DNAH17: variants seen among roughly 807,000 people sequenced by gnomAD.
DNAH17 encodes the protein dynein axonemal heavy chain 17.
A neutral mutation model predicts 485.6 loss-of-function variants in DNAH17; 376 were observed. The ratio of observed to expected loss-of-function variants is 0.77; its 90% CI spans 0.71 to 0.84. The LOEUF is 0.84. Ranked by LOEUF, DNAH17 falls within the 40% of genes least tolerant of loss-of-function variation. The pLI is 0.00. For missense variants in DNAH17, 6,370 were observed against 5,839.3 expected, an observed-to-expected ratio of 1.09 and a Z score of -2.96; for synonymous variants, 3,031 against 2,405.9, an observed-to-expected ratio of 1.26 and a Z score of -7.60.
At chr17:78,551,759 C>A in intron 15 of DNAH17, 121 bp from the exon 16 acceptor site, 1 of 849,336 alleles carries the variant, frequency 1.2e-6, no homozygotes, top group Non-Finnish European at 1.9e-6. Flanking sequence ...GTCGGGAGTT[C>A]GAGACCAGCC....
chr17:78,480,422 A>G (rs962310267), intron 49 of DNAH17, among the ~76,000 whole-genome samples: 2 of 152,142 alleles, frequency 1.3e-5, no homozygotes, highest in East Asian at 3.8e-4. Context: ...GACTAAAAAC[A>G]TATTTATTTA....
At chr17:78,542,885 G>A (rs868595018) in intron 17 of DNAH17, among the ~76,000 whole-genome samples, 3 of 152,198 alleles carry the variant, frequency 2.0e-5, no homozygotes, top group Non-Finnish European at 4.4e-5. Flanking sequence ...GAAATCCACG[G>A]GGGATACCGA....
At chr17:78,531,554 G>A (rs1049799442) in intron 20 of DNAH17, among the ~76,000 whole-genome samples, 3 of 152,018 alleles carry the variant, frequency 2.0e-5, no homozygotes, top group Non-Finnish European at 1.5e-5. Flanking sequence ...TAGCCAGGAT[G>A]GTCTCGATCT....
At position 78,485,017 on chromosome 17, in the gene DNAH17, C is replaced by A. The variant is rs752433570; in HGVS notation, c.7500G>T (p.Pro2500=). ...SAMLQGVLEK[P]LEKKSGRNYG... ...AGTTCCTCCCCGATTTCTTCTCCAGCGGCTTCTCCAGCACCCCTAGAGAGG... is the reference window on the plus strand; with the variant it reads ...AGTTCCTCCCCGATTTCTTCTCCAGAGGCTTCTCCAGCACCCCTAGAGAGG... Residue 2500 remains proline (P), a synonymous_variant, in exon 48 of 81, where the codon CCG becomes CCT. Transcript: ENST00000389840. 4 of 1,610,906 alleles carry A rather than the reference C, an allele frequency of 2.5e-6. No homozygotes were observed. Among genetic ancestry groups the A allele is most frequent in the Non-Finnish European group, 1.7e-6 (2 of 1,178,324 alleles).
At chr17:78,570,726 C>CA (rs982397063) in intron 6 of DNAH17, among the ~76,000 whole-genome samples, 2 of 151,760 alleles carry the variant, frequency 1.3e-5, no homozygotes, top group Non-Finnish European at 2.9e-5. Flanking sequence ...GGCATGGTGG[C>CA]ACATGCCTGT....
chr17:78,507,383 G>GGGATC lies in DNAH17; in HGVS notation c.4585-19_4585-15dup, dbSNP rs1352478544. ...TTCCATCAAGGCCTGGGAAGAGAAG[G>GGGATC]GGATCGCCAAGGCATTAGGGATCGC... On this transcript the variant is annotated splice_polypyrimidine_tract_variant and intron_variant, in intron 28 of 80. Coordinates refer to ENST00000389840, the MANE Select transcript of DNAH17 (RefSeq NM_173628.4). 6.2e-7 allele frequency: 1 copy of GGGATC among 1,613,892 alleles called. No homozygotes were observed.
chr17:78,445,590 A>T lies in DNAH17; in HGVS notation c.11302T>A (p.Phe3768Ile). 6.4e-7 allele frequency: 1 copy of T among 1,563,718 alleles called. No individual in the cohort carries two copies. The highest frequency in any genetic ancestry group is 8.7e-7 in the Non-Finnish European group (1 of 1,153,636). ...FKAGVVSPVD[F>I]LQHQGWGGIK... is the part of the protein sequence containing the mutation. ...CCGCCCCAGCCTTGATGCTGGAGGA[A>T]GTCCACTGGTGAGACCACTCCGGCC... Residue 3768 changes from phenylalanine (F) to isoleucine (I), a missense_variant, in exon 70 of 81, where the codon TTC (phenylalanine) becomes ATC (isoleucine). Phe to Ile is a conservative substitution (Grantham distance 21). Transcript: ENST00000389840.
rs762068405 is a variant in DNAH17, at chr17:78,463,090, G to C, written c.8941-13C>G. 6.2e-7 allele frequency: 1 copy of C among 1,611,670 alleles called. No homozygotes were observed. The highest frequency in any genetic ancestry group is 2.2e-5 in the East Asian group (1 of 44,866). ...CCTTGACTTCCCACTACAAAGATGA[G>C]ACAGCCAGTCATCCCTGGGACCCCA... On this transcript the variant is annotated splice_polypyrimidine_tract_variant and intron_variant, in intron 56 of 80. Transcript: ENST00000389840.
chr17:78,559,953 A>C (rs2092115967), intron 13 of DNAH17, among the ~76,000 whole-genome samples: 2 of 151,886 alleles, frequency 1.3e-5, no homozygotes, highest in Admixed American at 1.3e-4. Context: ...ACCTCCCACA[A>C]GTCTCTGCTC....
Position 78,575,040 on chromosome 17 carries a change from GT to G in DNAH17, c.17del (p.Asp6AlafsTer4). On this transcript the variant is annotated frameshift_variant, in exon 2 of 81. Coordinates refer to ENST00000389840, the MANE Select transcript of DNAH17 (RefSeq NM_173628.4). LOFTEE classifies it high-confidence loss of function. ...CTTCCTCCAGATACTCTAGTCTGAC[GT>G]CCGGGGCCATTGTCATCTTGGCCTT... MTMAP[D>X]VRLEYLEEVA... The G allele has an allele frequency of 6.2e-7, 1 of 1,613,048 alleles. No homozygotes were observed. Among genetic ancestry groups the G allele is most frequent in the Non-Finnish European group, 8.5e-7 (1 of 1,179,478 alleles).
At position 78,506,767 on chromosome 17, in the gene DNAH17, A is replaced by G; in HGVS notation, c.4756T>C (p.Ser1586Pro). The change falls in exon 30 of 81, where the codon TCG becomes CCG. Residue 1586 changes from serine (S) to proline (P), a missense_variant. By Grantham distance (74) the Ser-to-Pro change is moderately conservative. Coordinates refer to ENST00000389840, the MANE Select transcript of DNAH17 (RefSeq NM_173628.4). ...GAGAGAATGTCCAGGAGGTCAGCCG[A>G]GGAGACAAAATAGAACCGGGGGAAA... ...LAFPRFYFVS[S>P]ADLLDILSNG... 6.2e-7 allele frequency: 1 copy of G among 1,613,968 alleles called. No individual in the cohort carries two copies. The highest frequency in any genetic ancestry group is 8.5e-7 in the Non-Finnish European group (1 of 1,179,864).
chr17:78,438,174 C>G (rs1466136298), intron 73 of DNAH17, among the ~76,000 whole-genome samples: 1 of 151,600 alleles, frequency 6.6e-6, no homozygotes, highest in African/African-American at 2.4e-5. Flanking sequence ...TTCTGTGGTC[C>G]CCACCCCTCC....
intron 74 of DNAH17, 87 bp from the exon 75 acceptor site, chr17:78,434,307 T>G: frequency 6.2e-6 from 8 of 1,287,080 alleles, no homozygotes; most frequent in East Asian, 2.5e-5. Context: ...GTCCAGCCCT[T>G]GCCAGATGCT....
chr17:78,509,491 T>A (rs935043733), intron 27 of DNAH17, among the ~76,000 whole-genome samples: 1 of 152,188 alleles, frequency 6.6e-6, no homozygotes, highest in African/African-American at 2.4e-5. Flanking sequence ...GCGAACTGTA[T>A]GGTATGTGAA....
intron 16 of DNAH17, among the ~76,000 whole-genome samples, chr17:78,550,599 C>G (rs1455379262): frequency 3.9e-5 from 6 of 152,194 alleles, no homozygotes; most frequent in Non-Finnish European, 2.9e-5. Context: ...AAGACAGCAT[C>G]TATAACTAAC....
At chr17:78,553,291 T>G (rs1237327672) in intron 14 of DNAH17, among the ~76,000 whole-genome samples, 4 of 37,792 alleles carry the variant, frequency 1.1e-4, no homozygotes, top group South Asian at 1.2e-3. Flanking sequence ...GTGTTTTTTT[T>G]TTTTTTTTTT....
chr17:78,438,949 C>G, intron 73 of DNAH17, 141 bp downstream of exon 73: 1 of 1,278,448 alleles, frequency 7.8e-7, no homozygotes, highest in Non-Finnish European at 1.0e-6. Context: ...GGGATGCCTC[C>G]TCCTTCAGTG....
At chr17:78,555,459 A>G (rs1310532238) in intron 14 of DNAH17, among the ~76,000 whole-genome samples, 3 of 149,228 alleles carry the variant, frequency 2.0e-5, no homozygotes. Context: ...TGAATGGACC[A>G]TGGACAAAGA....
chr17:78,536,813 A>G (rs1411545360), intron 19 of DNAH17, among the ~76,000 whole-genome samples: 1 of 152,102 alleles, frequency 6.6e-6, no homozygotes, highest in Non-Finnish European at 1.5e-5. Flanking sequence ...CTGCTTTGGG[A>G]AGGACGACAG....
Sources: allele counts gnomAD v4.1 joint callset (sites outside exome capture counted in the v4.1 genomes callset), GRCh38; gene constraint gnomAD v4.1.1; transcripts MANE v1.5; gene names NCBI Gene and HGNC (gene_info 2026-07-23, HGNC 2026-07-21).